The following SVOPL variants were observed in gnomAD, a reference collection of about 807,000 sequenced individuals.
SVOPL encodes putative transporter SVOPL.
A neutral mutation model predicts 61.0 loss-of-function variants in SVOPL; 60 were observed. The ratio of observed to expected loss-of-function variants is 0.98; its 90% CI spans 0.80 to 1.22. SVOPL has a LOEUF of 1.22. SVOPL is among the 50% of genes most tolerant of loss of function. SVOPL has a pLI of 0.00. For synonymous variants in SVOPL, 279 were observed against 250.0 expected (o/e 1.12, Z -1.09); for missense variants, 662 against 643.9 (o/e 1.03, Z -0.30).
Position 138,621,057 on chromosome 7 carries a change from A to G in SVOPL, c.1342T>C (p.Phe448Leu). 6.2e-7 allele frequency: 1 copy of G among 1,613,536 alleles called. No homozygotes were observed. Among genetic ancestry groups the G allele is most frequent in the Non-Finnish European group, 8.5e-7 (1 of 1,179,758 alleles). ...GTCCTTGGCTGTACCTGGGATATAA[A>G]TGGTGCCACCATTGCACCAATGCGA... is the stretch of plus-strand genomic sequence containing the variant. ...LCRIGAMVAP[F>L]ISQVLMSASI... The change falls in exon 14 of 16, where the codon TTT becomes CTT. Residue 448 changes from phenylalanine to leucine, a missense_variant. Phe to Leu is a conservative substitution (Grantham distance 22). Coordinates refer to ENST00000674285, the MANE Select transcript of SVOPL (RefSeq NM_001139456.2).
At chr7:138,647,383 A>C (rs1264403508) in intron 8 of SVOPL, among the ~76,000 whole-genome samples, 1 of 151,998 alleles carries the variant, frequency 6.6e-6, no homozygotes, top group Non-Finnish European at 1.5e-5. Flanking sequence ...CGCCATCTCA[A>C]AAAAGAAAAA....
intron 14 of SVOPL, among the ~76,000 whole-genome samples, chr7:138,599,512 GCATTGTTTTGTTGCTTTTT>G (rs1047378309): frequency 5.3e-5 from 8 of 152,320 alleles, no homozygotes; most frequent in Non-Finnish European, 7.3e-5. Context: ...AGCCAGCTAG[GCATTGTTTTGTTGCTTTTT>G]CATTGTTTTG....
chr7:138,659,908 GA>G lies in SVOPL; in HGVS notation c.425del (p.Phe142SerfsTer17). On this transcript the variant is annotated frameshift_variant, in exon 6 of 16. Coordinates refer to ENST00000674285, the MANE Select transcript of SVOPL (RefSeq NM_001139456.2). LOFTEE classifies it high-confidence loss of function. ...CACCACAGCCCACCATCGTCCGCAG[GA>G]AGACAAACCAGATGTACGAAGGAGC... Reference protein sequence around the residue: ...SFAPSYIWFVFLRTMVGCGVS... With the variant: ...SFAPSYIWFVXLRTMVGCGVS... The G allele has an allele frequency of 6.4e-7, 1 of 1,551,560 alleles. No homozygotes were observed. The highest frequency in any genetic ancestry group is 8.7e-7 in the Non-Finnish European group (1 of 1,146,988).
rs59761826 is a variant in SVOPL at position 138,601,251 on chromosome 7, CAAAAAAAA to C, written c.1354-4729_1354-4722del. On this transcript the variant is annotated intron_variant, in intron 14 of 15. Coordinates refer to ENST00000674285, the MANE Select transcript of SVOPL (RefSeq NM_001139456.2). ...TGGGCGACAGAGCGAGATTCCATCTCAAAAAAAAAAAAAAAAAAGAAAAGAAAATCACC... is the reference window on the plus strand; with the variant it reads ...TGGGCGACAGAGCGAGATTCCATCTCAAAAAAAAAAGAAAAGAAAATCACC... Among the ~76,000 whole-genome samples the C allele has an allele frequency of 5.6e-4, 55 of 99,096 alleles. No individual in the cohort carries two copies. In the East Asian group the frequency reaches 0.026, roughly 47 times the overall value. 65.0% of individuals were successfully genotyped at this position (99,096 alleles called of 152,430 possible).
chr7:138,678,464 A>G lies in SVOPL; in HGVS notation c.144T>C (p.Ile48=). ...TACTGCCCATGATCAGAAAGAGGGC[A>G]ATGTGGAAACGCCCGAAGCCGATAG... The part of the protein sequence containing the change: ...VETIGFGRFH[I]ALFLIMGSTG... Residue 48 remains isoleucine (I), a synonymous_variant, in exon 3 of 16, where the codon ATT becomes ATC. Transcript: ENST00000674285. The G allele has an allele frequency of 6.4e-7, 1 of 1,551,984 alleles. No individual in the cohort carries two copies. Among genetic ancestry groups the G allele is most frequent in the Non-Finnish European group, 8.7e-7 (1 of 1,147,044 alleles).
chr7:138,638,624 TA>T (rs1277467840), intron 9 of SVOPL, among the ~76,000 whole-genome samples: 4 of 142,890 alleles, frequency 2.8e-5, no homozygotes, highest in Admixed American at 2.2e-4. Flanking sequence ...GTTGAAATTA[TA>T]AAAAAACAAA....
chr7:138,688,877 T>C, intron 1 of SVOPL: 1 of 399,570 alleles, frequency 2.5e-6, no homozygotes, highest in Non-Finnish European at 4.8e-6. Flanking sequence ...CTCTAGTACC[T>C]CAGAATGTGA....
chr7:138,663,332 T>C, intron 4 of SVOPL, 187 bp from the exon 5 acceptor site: 13 of 1,431,758 alleles, frequency 9.1e-6, no homozygotes, highest in Non-Finnish European at 1.2e-5. Context: ...AGCTCCCTGT[T>C]GGTGGGAGCC....
At chr7:138,694,787 A>T (rs1163600602) in intron 1 of SVOPL, among the ~76,000 whole-genome samples, 1 of 151,862 alleles carries the variant, frequency 6.6e-6, no homozygotes, top group Non-Finnish European at 1.5e-5. Context: ...CTTGTTGCCC[A>T]GGATGGAGTG....
At chr7:138,621,834 C>CTATG (rs1563095453) in intron 13 of SVOPL, among the ~76,000 whole-genome samples, 10,146 of 64,378 alleles carry the variant, frequency 0.16, 504 homozygotes, top group East Asian at 0.21. Context: ...ATCTATGTAT[C>CTATG]TATCTATCTA....
In SVOPL at chr7:138,672,232, G is replaced by T. The variant is rs1802440490; in HGVS notation, c.175-115C>A. ...TGTCCCCTTTGTCCTTCCCCATTCAGGGAGGATCTATTGTATACCCACACT... is the reference window on the plus strand; with the variant it reads ...TGTCCCCTTTGTCCTTCCCCATTCATGGAGGATCTATTGTATACCCACACT... On this transcript the variant is annotated intron_variant, in intron 3 of 15. Coordinates refer to ENST00000674285, the MANE Select transcript of SVOPL (RefSeq NM_001139456.2). 7.5e-6 allele frequency: 7 copies of T among 928,780 alleles called. No homozygotes were observed. The South Asian group carries it at 9.4e-5, about 13-fold the overall frequency. 57.5% of individuals were successfully genotyped at this position (928,780 alleles called of 1,614,324 possible).
intron 3 of SVOPL, among the ~76,000 whole-genome samples, chr7:138,674,372 C>T (rs1017727626): frequency 1.3e-5 from 2 of 151,958 alleles, no homozygotes; most frequent in East Asian, 3.9e-4. Flanking sequence ...GGAGGGGCCA[C>T]GGCCCATCAC....
At chr7:138,663,494 G>C (rs1802099164) in intron 4 of SVOPL, 1 of 1,043,152 alleles carries the variant, frequency 9.6e-7, no homozygotes, top group Non-Finnish European at 1.2e-6. Flanking sequence ...GCCTTATACA[G>C]TACACAAATT....
intron 14 of SVOPL, among the ~76,000 whole-genome samples, chr7:138,610,371 C>A (rs1798946762): frequency 6.6e-6 from 1 of 150,830 alleles, no homozygotes; most frequent in Non-Finnish European, 1.5e-5. Flanking sequence ...TTATTTGAGC[C>A]TACATCACTA....
intron 14 of SVOPL, chr7:138,596,860 T>C (rs772912598): frequency 1.7e-4 from 188 of 1,097,502 alleles, no homozygotes; most frequent in Non-Finnish European, 2.1e-4. Context: ...TCTCATACCA[T>C]TTCAGCTTGC....
At chr7:138,608,971 T>C (rs1333416335) in intron 14 of SVOPL, among the ~76,000 whole-genome samples, 1 of 152,052 alleles carries the variant, frequency 6.6e-6, no homozygotes, top group Non-Finnish European at 1.5e-5. Context: ...CACACATATA[T>C]ATACACACAT....
chr7:138,640,164 A>C (rs189443494), intron 9 of SVOPL, among the ~76,000 whole-genome samples: 1 of 152,188 alleles, frequency 6.6e-6, no homozygotes, highest in African/African-American at 2.4e-5. Flanking sequence ...ACATGTTAAC[A>C]TGAGAGAAAA....
intron 14 of SVOPL, among the ~76,000 whole-genome samples, chr7:138,600,787 T>C (rs1340926890): frequency 6.6e-6 from 1 of 152,046 alleles, no homozygotes; most frequent in Non-Finnish European, 1.5e-5. Context: ...CACAGTAAGA[T>C]ACATCACCTC....
intron 3 of SVOPL, among the ~76,000 whole-genome samples, chr7:138,674,673 G>A (rs533245156): frequency 5.9e-4 from 90 of 151,664 alleles, no homozygotes; most frequent in African/African-American, 2.0e-3. Flanking sequence ...TGGCTAACAC[G>A]GTGAAACCCT....
Sources: gnomAD v4.1 joint callset for allele counts (sites outside exome capture counted in the v4.1 genomes callset) on GRCh38, gnomAD v4.1.1 for gene constraint, MANE v1.5 for transcripts, NCBI Gene and HGNC (gene_info 2026-07-23, HGNC 2026-07-21) for gene names.